Variants in TMEM232 observed in about 807,000 individuals in gnomAD.
TMEM232 encodes the protein transmembrane protein 232.
A neutral mutation model predicts 78.8 loss-of-function variants in TMEM232; 80 were observed. That is an observed-to-expected ratio of 1.01 (90% CI 0.85 to 1.22). The LOEUF is 1.22. TMEM232 is among the 50% of genes most tolerant of loss of function. The probability of loss-of-function intolerance (pLI) is 0.00; values close to 1 mark genes in which losing one functional copy is unlikely to be tolerated. For synonymous variants in TMEM232, 297 were observed against 254.3 expected, an observed-to-expected ratio of 1.17 and a Z score of -1.60; for missense variants, 881 against 742.2, an observed-to-expected ratio of 1.19 and a Z score of -2.17.
intron 1 of TMEM232, among the ~76,000 whole-genome samples, chr5:110,737,384 A>T (rs1435453535): frequency 6.6e-6 from 1 of 152,146 alleles, no homozygotes; most frequent in African/African-American, 2.4e-5. Flanking sequence ...AACATGTAAA[A>T]AACCCCTATA....
chr5:110,538,117 T>C (rs1407999401), intron 11 of TMEM232, among the ~76,000 whole-genome samples: 1 of 152,154 alleles, frequency 6.6e-6, no homozygotes, highest in Non-Finnish European at 1.5e-5. Flanking sequence ...ACTAAGGCAG[T>C]AAATAATGTA....
chr5:110,711,429 A>G (rs921278387), intron 1 of TMEM232, among the ~76,000 whole-genome samples: 2 of 152,186 alleles, frequency 1.3e-5, no homozygotes, highest in African/African-American at 4.8e-5. Flanking sequence ...TTTATATGAA[A>G]CCACAAAAGA....
intron 12 of TMEM232, among the ~76,000 whole-genome samples, chr5:110,425,613 A>T (rs1466386079): frequency 1.3e-5 from 2 of 151,746 alleles, no homozygotes; most frequent in Non-Finnish European, 2.9e-5. Flanking sequence ...ATTCCAGTGT[A>T]CTCTACATTC....
chr5:110,540,599 T>A (rs1308777546), intron 11 of TMEM232, among the ~76,000 whole-genome samples: 1 of 152,156 alleles, frequency 6.6e-6, no homozygotes, highest in Admixed American at 6.5e-5. Context: ...ATTCTGAGGA[T>A]AACTGGTTTA....
chr5:110,545,978 C>T (rs1773731058), intron 11 of TMEM232, among the ~76,000 whole-genome samples: 1 of 152,054 alleles, frequency 6.6e-6, no homozygotes. Context: ...TTTATTATGC[C>T]ACTGTGAGTA....
intron 12 of TMEM232, among the ~76,000 whole-genome samples, chr5:110,516,361 G>T (rs1386781918): frequency 2.6e-5 from 4 of 152,236 alleles, no homozygotes; most frequent in African/African-American, 9.6e-5. Context: ...GAGATTCGAG[G>T]CATAAGCTTA....
intron 13 of TMEM232, among the ~76,000 whole-genome samples, chr5:110,421,001 A>C (rs1258404815): frequency 1.3e-5 from 2 of 151,964 alleles, no homozygotes; most frequent in African/African-American, 4.8e-5. Context: ...ATAAAAAAGA[A>C]GACATTATAG....
intron 11 of TMEM232, among the ~76,000 whole-genome samples, chr5:110,564,154 A>G (rs1776064894): frequency 6.6e-6 from 1 of 152,030 alleles, no homozygotes; most frequent in Non-Finnish European, 1.5e-5. Context: ...ATTATCTAAA[A>G]ACGGGACATT....
intron 1 of TMEM232, among the ~76,000 whole-genome samples, chr5:110,670,856 T>C (rs914381771): frequency 2.0e-5 from 3 of 152,142 alleles, no homozygotes; most frequent in South Asian, 2.1e-4. Flanking sequence ...TAAGCACATG[T>C]AGCCTAAAAG....
intron 3 of TMEM232, among the ~76,000 whole-genome samples, chr5:110,396,945 G>A (rs139668632): frequency 1.8e-4 from 28 of 152,204 alleles, no homozygotes; most frequent in Non-Finnish European, 2.9e-4. Flanking sequence ...CGAAAAAGTG[G>A]CCTCTGATAA....
chr5:110,632,304 C>T (rs1440357225), intron 5 of TMEM232, among the ~76,000 whole-genome samples: 3 of 151,620 alleles, frequency 2.0e-5, no homozygotes, highest in African/African-American at 7.3e-5. Flanking sequence ...ACATGAGATA[C>T]ACAGTTTACA....
At chr5:110,562,662 T>C (rs1207381084) in intron 11 of TMEM232, among the ~76,000 whole-genome samples, 1 of 152,068 alleles carries the variant, frequency 6.6e-6, no homozygotes, top group African/African-American at 2.4e-5. Flanking sequence ...CAATAAAGCT[T>C]ATGTGTAAAG....
intron 12 of TMEM232, among the ~76,000 whole-genome samples, chr5:110,497,703 T>C (rs1009455565): frequency 3.9e-5 from 6 of 152,142 alleles, no homozygotes; most frequent in Admixed American, 1.3e-4. Context: ...CGTAGAACTT[T>C]CTGATGTTTC....
chr5:110,571,959 G>A (rs1776995673), intron 10 of TMEM232, among the ~76,000 whole-genome samples: 1 of 152,016 alleles, frequency 6.6e-6, no homozygotes, highest in Non-Finnish European at 1.5e-5. Context: ...CAATACAGGA[G>A]TTTTATGAGG....
chr5:110,648,990 C>A (rs1170062587), intron 2 of TMEM232, among the ~76,000 whole-genome samples: 2 of 152,018 alleles, frequency 1.3e-5, no homozygotes, highest in East Asian at 3.9e-4. Flanking sequence ...GCATGCTGTT[C>A]CCTGTGCTGT....
chr5:110,569,669 A>G (rs1410276747), intron 10 of TMEM232, among the ~76,000 whole-genome samples: 1 of 151,900 alleles, frequency 6.6e-6, no homozygotes, highest in Non-Finnish European at 1.5e-5. Flanking sequence ...ACAATCCTCA[A>G]CTTTTCCAAA....
intron 2 of TMEM232, among the ~76,000 whole-genome samples, chr5:110,651,556 T>A (rs544240123): frequency 6.6e-5 from 10 of 152,068 alleles, no homozygotes; most frequent in Middle Eastern, 3.4e-3. Context: ...TCAGGGTATT[T>A]AAACCATGGG....
intron 11 of TMEM232, among the ~76,000 whole-genome samples, chr5:110,547,327 G>C (rs1773904713): frequency 6.6e-6 from 1 of 152,132 alleles, no homozygotes; most frequent in South Asian, 2.1e-4. Context: ...TTTTAGCTGT[G>C]AAACTCAGTA....
chr5:110,634,160 T>C (rs1001591276), intron 5 of TMEM232, among the ~76,000 whole-genome samples: 34 of 152,068 alleles, frequency 2.2e-4, no homozygotes, highest in Admixed American at 1.9e-3. Flanking sequence ...ATTCTAAATA[T>C]ATATGCACCC....
Sources: gnomAD v4.1 joint callset for allele counts (sites outside exome capture counted in the v4.1 genomes callset) on GRCh38, gnomAD v4.1.1 for gene constraint, MANE v1.5 for transcripts, NCBI Gene and HGNC (gene_info 2026-07-23, HGNC 2026-07-21) for gene names.